The following CTNNA3 variants were observed in gnomAD, a reference collection of about 807,000 sequenced individuals.
CTNNA3 encodes the protein catenin alpha 3.
CTNNA3 carries 76 observed loss-of-function variants against 95.7 expected under a neutral mutation model. The ratio of observed to expected loss-of-function variants is 0.79; its 90% CI spans 0.66 to 0.96. CTNNA3 has a LOEUF of 0.96. Ranked by LOEUF, CTNNA3 falls within the 40% of genes least tolerant of loss-of-function variation. The pLI is 0.00. For synonymous variants in CTNNA3, 431 were observed against 374.4 expected, an observed-to-expected ratio of 1.15 and a Z score of -1.74; for missense variants, 1,191 against 1,089.8, an observed-to-expected ratio of 1.09 and a Z score of -1.31.
intron 10 of CTNNA3, among the ~76,000 whole-genome samples, chr10:66,617,304 T>G (rs1227864173): frequency 6.6e-6 from 1 of 151,894 alleles, no homozygotes; most frequent in Non-Finnish European, 1.5e-5. Flanking sequence ...CCTCATAAAG[T>G]GAACATAAAA....
chr10:65,971,389 T>TC (rs1391777679), intron 16 of CTNNA3, among the ~76,000 whole-genome samples: 1 of 149,994 alleles, frequency 6.7e-6, no homozygotes, highest in Non-Finnish European at 1.5e-5. Flanking sequence ...GTTTTTTTTT[T>TC]TTTTGAAAAA....
At chr10:66,399,036 A>T (rs975327616) in intron 11 of CTNNA3, among the ~76,000 whole-genome samples, 1 of 152,014 alleles carries the variant, frequency 6.6e-6, no homozygotes, top group African/African-American at 2.4e-5. Context: ...TGAAAATAGT[A>T]ATTTCACTGA....
intron 5 of CTNNA3, among the ~76,000 whole-genome samples, chr10:67,474,540 C>A (rs1353870242): frequency 6.6e-6 from 1 of 152,102 alleles, no homozygotes; most frequent in Non-Finnish European, 1.5e-5. Context: ...GTTTAAGCCA[C>A]CCAGTCTGAG....
rs139019703 is a variant in CTNNA3, at chr10:66,845,813, A to G, written c.1048-70289T>C. ...TGTATGTATATAGGTGTACACACAC[A>G]ATAAAATATTATTCAACCTTAGGAA... is the stretch of plus-strand genomic sequence containing the variant. On this transcript the variant is annotated intron_variant, in intron 7 of 17. Coordinates refer to ENST00000433211, the MANE Select transcript of CTNNA3 (RefSeq NM_013266.4). Among the ~76,000 whole-genome samples the G allele has an allele frequency of 1.3e-3, 195 of 150,390 alleles. 1 individual carries two copies. The South Asian group carries it at 0.024, about 18-fold the overall frequency.
At chr10:66,962,298 G>A (rs1849152568) in intron 7 of CTNNA3, among the ~76,000 whole-genome samples, 1 of 152,110 alleles carries the variant, frequency 6.6e-6, no homozygotes, top group Non-Finnish European at 1.5e-5. Flanking sequence ...ATTACAGGAA[G>A]AGAACTTCCT....
At chr10:66,226,340 T>C (rs1226742340) in intron 13 of CTNNA3, among the ~76,000 whole-genome samples, 1 of 152,144 alleles carries the variant, frequency 6.6e-6, no homozygotes, top group African/African-American at 2.4e-5. Context: ...CTTTGCACTT[T>C]TGTGAAAAAT....
intron 7 of CTNNA3, among the ~76,000 whole-genome samples, chr10:66,863,577 C>A (rs887164758): frequency 6.6e-6 from 1 of 151,614 alleles, no homozygotes; most frequent in African/African-American, 2.4e-5. Context: ...ATCTCACAGG[C>A]CTTTTGTCCT....
At chr10:66,004,386 T>C (rs1429353344) in intron 15 of CTNNA3, among the ~76,000 whole-genome samples, 1 of 152,202 alleles carries the variant, frequency 6.6e-6, no homozygotes, top group African/African-American at 2.4e-5. Flanking sequence ...TATCTTTTTC[T>C]TTTCCTTTTT....
At chr10:67,718,188 T>C (rs887258883) in intron 1 of CTNNA3, among the ~76,000 whole-genome samples, 1 of 152,242 alleles carries the variant, frequency 6.6e-6, no homozygotes, top group South Asian at 2.1e-4. Context: ...TTTGCTGAAG[T>C]TGCTTATCAG....
intron 6 of CTNNA3, among the ~76,000 whole-genome samples, chr10:67,216,996 A>G (rs1321472602): frequency 6.6e-6 from 1 of 152,224 alleles, no homozygotes; most frequent in African/African-American, 2.4e-5. Flanking sequence ...GTTCCAATTC[A>G]ACTTCTATTT....
intron 9 of CTNNA3, among the ~76,000 whole-genome samples, chr10:66,691,058 C>T (rs930300139): frequency 6.6e-6 from 1 of 152,176 alleles, no homozygotes; most frequent in African/African-American, 2.4e-5. Context: ...TTCTGCATTT[C>T]CATCTGAGGT....
chr10:67,440,661 AAAGT>A (rs1477046970), intron 5 of CTNNA3, among the ~76,000 whole-genome samples: 2 of 152,158 alleles, frequency 1.3e-5, no homozygotes, highest in African/African-American at 4.8e-5. Flanking sequence ...TGTTTGAGAG[AAAGT>A]AAGAGAAGAG....
chr10:67,381,867 CTT>C (rs1843960244), intron 5 of CTNNA3, among the ~76,000 whole-genome samples: 1 of 152,054 alleles, frequency 6.6e-6, no homozygotes, highest in African/African-American at 2.4e-5. Context: ...GCCTTGTTTT[CTT>C]TCTTTTTTTT....
intron 7 of CTNNA3, among the ~76,000 whole-genome samples, chr10:67,128,943 G>A (rs1859858267): frequency 6.6e-6 from 1 of 151,666 alleles, no homozygotes; most frequent in African/African-American, 2.4e-5. Context: ...TTGAAACTAG[G>A]CTAATCATGA....
At chr10:66,799,836 G>T (rs1841361517) in intron 7 of CTNNA3, among the ~76,000 whole-genome samples, 1 of 151,208 alleles carries the variant, frequency 6.6e-6, no homozygotes, top group South Asian at 2.1e-4. Context: ...TTCTAAAGCA[G>T]TGATAAAGAT....
intron 7 of CTNNA3, among the ~76,000 whole-genome samples, chr10:66,944,520 C>T (rs1253033144): frequency 6.6e-6 from 1 of 152,160 alleles, no homozygotes; most frequent in African/African-American, 2.4e-5. Flanking sequence ...GTTTTGACTT[C>T]CTCTCATGAA....
chr10:67,522,276 T>C (rs376723272), intron 4 of CTNNA3, among the ~76,000 whole-genome samples: 1 of 152,190 alleles, frequency 6.6e-6, no homozygotes, highest in South Asian at 2.1e-4. Context: ...TGCTTTAAAA[T>C]TTTTTAGAAA....
intron 3 of CTNNA3, among the ~76,000 whole-genome samples, chr10:67,550,674 CCGTAGAATAAAGAAATTTCTTTATT>C (rs1564732333): frequency 8.1e-6 from 1 of 122,710 alleles, no homozygotes; most frequent in African/African-American, 3.9e-5. Flanking sequence ...AATTTCTTTA[CCGTAGAATAAAGAAATTTCTTTATT>C]CATAGAATAA....
At chr10:67,703,637 G>C (rs1041473528) in intron 1 of CTNNA3, among the ~76,000 whole-genome samples, 6 of 151,994 alleles carry the variant, frequency 3.9e-5, no homozygotes, top group South Asian at 2.1e-4. Context: ...AAAATAATAA[G>C]AGCTATCTAT....
Sources: gnomAD v4.1 joint callset for allele counts (sites outside exome capture counted in the v4.1 genomes callset) on GRCh38, gnomAD v4.1.1 for gene constraint, MANE v1.5 for transcripts, NCBI Gene and HGNC (gene_info 2026-07-23, HGNC 2026-07-21) for gene names.